THSD7A: variants seen among roughly 807,000 people sequenced by gnomAD.
The protein encoded by THSD7A is thrombospondin type 1 domain containing 7A.
THSD7A carries 96 observed loss-of-function variants against 231.3 expected under a neutral mutation model. The ratio of observed to expected loss-of-function variants is 0.41; its 90% CI spans 0.35 to 0.49. The LOEUF (loss-of-function observed/expected upper bound fraction) is 0.49. THSD7A is among the 20% of genes least tolerant of loss of function. The pLI, the probability that THSD7A is intolerant of heterozygous loss-of-function variation, is 0.05. For missense variants in THSD7A, 2,290 were observed against 2,070.2 expected (o/e 1.11, Z -2.06); for synonymous variants, 940 against 743.3 (o/e 1.26, Z -4.30).
At chr7:11,640,152 A>G (rs762209865) in intron 1 of THSD7A, among the ~76,000 whole-genome samples, 5 of 152,176 alleles carry the variant, frequency 3.3e-5, no homozygotes, top group Admixed American at 6.5e-5. Context: ...AATATTTAAT[A>G]TCTGTTTATC....
intron 7 of THSD7A, among the ~76,000 whole-genome samples, chr7:11,475,061 G>C (rs932853999): frequency 5.3e-5 from 8 of 152,148 alleles, no homozygotes; most frequent in Non-Finnish European, 8.8e-5. Flanking sequence ...ATGCAGGCAG[G>C]TGTGACCTTG....
chr7:11,777,364 G>A (rs1411493468), intron 1 of THSD7A, among the ~76,000 whole-genome samples: 1 of 151,404 alleles, frequency 6.6e-6, no homozygotes, highest in Non-Finnish European at 1.5e-5. Flanking sequence ...GAAAGGCCAT[G>A]ATTTTGCCAT....
intron 1 of THSD7A, among the ~76,000 whole-genome samples, chr7:11,727,566 A>AT (rs1399480899): frequency 6.6e-6 from 1 of 151,820 alleles, no homozygotes; most frequent in Non-Finnish European, 1.5e-5. Flanking sequence ...AAAATAATTG[A>AT]TAAAAACTCT....
chr7:11,416,021 G>C (rs1230272976), intron 17 of THSD7A, among the ~76,000 whole-genome samples: 1 of 152,070 alleles, frequency 6.6e-6, no homozygotes. Context: ...ATGGTTCTTT[G>C]ATCAATTAAA....
intron 2 of THSD7A, among the ~76,000 whole-genome samples, chr7:11,623,655 C>T (rs1781387654): frequency 6.6e-6 from 1 of 152,038 alleles, no homozygotes. Flanking sequence ...TTAAAAATAT[C>T]CTTTCTCACT....
At chr7:11,535,759 G>T (rs1275096893) in intron 6 of THSD7A, among the ~76,000 whole-genome samples, 1 of 152,068 alleles carries the variant, frequency 6.6e-6, no homozygotes, top group Admixed American at 6.6e-5. Context: ...GTAGATTCCA[G>T]TTCCAAAGAA....
intron 2 of THSD7A, among the ~76,000 whole-genome samples, chr7:11,613,925 T>G (rs1220647188): frequency 6.6e-6 from 1 of 152,198 alleles, no homozygotes; most frequent in African/African-American, 2.4e-5. Flanking sequence ...TGCTTCTGAA[T>G]AGAGAACTTA....
chr7:11,452,888 G>A (rs866800118), intron 11 of THSD7A, among the ~76,000 whole-genome samples: 81 of 152,038 alleles, frequency 5.3e-4, no homozygotes, highest in African/African-American at 1.8e-3. Flanking sequence ...ATATATAACT[G>A]CAGAGTATAA....
In THSD7A at chr7:11,665,672, T is replaced by A. The variant is rs115862238; in HGVS notation, c.191-28711A>T. Among the ~76,000 whole-genome samples, 1,207 of 152,156 alleles carry A rather than the reference T, an allele frequency of 7.9e-3. 12 individuals carry two copies. The highest frequency in any genetic ancestry group is 0.028 in the African/African-American group (1,154 of 41,524). ...AGCTCTCTAAAACTGTGAGGCACAG[T>A]GGATAAAAGCACGGTCTTGGACAAA... On this transcript the variant is annotated intron_variant, in intron 1 of 27. Transcript: ENST00000423059.
intron 11 of THSD7A, among the ~76,000 whole-genome samples, chr7:11,458,144 T>C (rs1314550072): frequency 6.6e-6 from 1 of 152,072 alleles, no homozygotes; most frequent in Non-Finnish European, 1.5e-5. Context: ...TGTTGATTGA[T>C]TTAATGTTTA....
At chr7:11,651,122 C>T (rs73292669) in intron 1 of THSD7A, among the ~76,000 whole-genome samples, 9,663 of 152,030 alleles carry the variant, frequency 0.064, 340 homozygotes, top group East Asian at 0.13. Context: ...TAAAACGAAA[C>T]TCTGATGCTA....
At chr7:11,484,256 C>T (rs1208583419) in intron 6 of THSD7A, among the ~76,000 whole-genome samples, 1 of 152,052 alleles carries the variant, frequency 6.6e-6, no homozygotes. Context: ...CTGTTCTGAT[C>T]ACTGTCTCAC....
intron 11 of THSD7A, among the ~76,000 whole-genome samples, chr7:11,460,316 G>A (rs150285135): frequency 1.4e-4 from 22 of 152,018 alleles, no homozygotes; most frequent in African/African-American, 3.4e-4. Flanking sequence ...TGCTTATTAC[G>A]GTGGCAAGCA....
rs367810955 is a variant in THSD7A, at chr7:11,609,049, T to A, written c.1023-15547A>T. On this transcript the variant is annotated intron_variant, in intron 2 of 27. Coordinates refer to ENST00000423059, the MANE Select transcript of THSD7A (RefSeq NM_015204.3). ...TCATCACAGGTTTATGAGGATAAAC[T>A]GCCGTTGTTCTCTAATTTGCCCTTG... Among the ~76,000 whole-genome samples, 7 of 152,164 alleles carry A rather than the reference T, an allele frequency of 4.6e-5. No individual in the cohort carries two copies. The East Asian group carries it at 5.8e-4, about 13-fold the overall frequency.
chr7:11,806,826 C>G (rs1361184874), intron 1 of THSD7A, among the ~76,000 whole-genome samples: 1 of 152,056 alleles, frequency 6.6e-6, no homozygotes, highest in Non-Finnish European at 1.5e-5. Flanking sequence ...CAAGCATTCC[C>G]CTCTGCTGCT....
At chr7:11,812,981 T>G (rs1784576336) in intron 1 of THSD7A, among the ~76,000 whole-genome samples, 1 of 152,138 alleles carries the variant, frequency 6.6e-6, no homozygotes, top group Admixed American at 6.5e-5. Flanking sequence ...CATGAGTGCT[T>G]GGGGAATTAT....
At chr7:11,803,226 A>G (rs939043272) in intron 1 of THSD7A, among the ~76,000 whole-genome samples, 11 of 152,184 alleles carry the variant, frequency 7.2e-5, no homozygotes, top group African/African-American at 2.7e-4. Context: ...AGACAGGCTG[A>G]GTATTTTATC....
At chr7:11,494,264 A>G (rs934364667) in intron 6 of THSD7A, among the ~76,000 whole-genome samples, 5 of 152,000 alleles carry the variant, frequency 3.3e-5, no homozygotes, top group Non-Finnish European at 7.4e-5. Context: ...TGCCTTTGTC[A>G]CTAAATACTT....
rs573877084 is a variant in THSD7A at position 11,444,912 on chromosome 7, T to G, written c.3064+1149A>C. 1.2e-4 allele frequency among the ~76,000 whole-genome samples: 17 copies of G among 147,818 alleles called. No individual in the cohort carries two copies. Among genetic ancestry groups the G allele is most frequent in the Middle Eastern group, 7.1e-3 (2 of 280 alleles). On this transcript the variant is annotated intron_variant, in intron 13 of 27. Coordinates refer to ENST00000423059, the MANE Select transcript of THSD7A (RefSeq NM_015204.3). The surrounding 1 kb of genome is among the most constrained non-coding windows in gnomAD (Gnocchi z 4.2). Reference sequence around the variant, plus strand: ...ATATATATAAAATGCTGTATATATATAATGAAACTATATATGTATATATAG... The same window carrying G: ...ATATATATAAAATGCTGTATATATAGAATGAAACTATATATGTATATATAG...
Sources: gnomAD v4.1 joint callset for allele counts (sites outside exome capture counted in the v4.1 genomes callset) on GRCh38, gnomAD v4.1.1 for gene constraint, Gnocchi (gnomAD v3.1) non-coding constraint, MANE v1.5 for transcripts, NCBI Gene and HGNC (gene_info 2026-07-23, HGNC 2026-07-21) for gene names.